The following RNF150 variants were observed in gnomAD, a reference collection of about 807,000 sequenced individuals.
The protein encoded by RNF150 is ring finger protein 150.
RNF150 carries 24 observed loss-of-function variants against 39.3 expected under a neutral mutation model. That is an observed-to-expected ratio of 0.61 (90% CI 0.44 to 0.86). The LOEUF is 0.86. Ranked by LOEUF, RNF150 falls within the 40% of genes least tolerant of loss-of-function variation. The pLI is 0.00. For synonymous variants in RNF150, 255 were observed against 227.3 expected, an observed-to-expected ratio of 1.12 and a Z score of -1.10; for missense variants, 502 against 587.8, an observed-to-expected ratio of 0.85 and a Z score of 1.51.
intron 1 of RNF150, among the ~76,000 whole-genome samples, chr4:141,033,222 A>C (rs528253737): frequency 3.3e-5 from 5 of 152,292 alleles, no homozygotes; most frequent in African/African-American, 1.2e-4. Flanking sequence ...CTTTGTTGTC[A>C]TTTCAACAAT....
At chr4:141,004,130 T>C (rs1005202716) in intron 1 of RNF150, among the ~76,000 whole-genome samples, 2 of 152,040 alleles carry the variant, frequency 1.3e-5, no homozygotes, top group Middle Eastern at 3.2e-3. Flanking sequence ...CACGGTGCCA[T>C]GCTAGGCTCT....
intron 1 of RNF150, among the ~76,000 whole-genome samples, chr4:141,022,349 T>C (rs942976962): frequency 4.6e-5 from 7 of 152,162 alleles, no homozygotes; most frequent in Admixed American, 1.3e-4. Context: ...AAAGAACATA[T>C]GGACTTTGTT....
At chr4:140,891,731 A>G (rs1729760441) in intron 6 of RNF150, among the ~76,000 whole-genome samples, 1 of 152,080 alleles carries the variant, frequency 6.6e-6, no homozygotes, top group South Asian at 2.1e-4. Flanking sequence ...TGGGCCACCG[A>G]CTGGTACCAG....
At chr4:141,208,816 C>CAA (rs1275751019) in intron 1 of RNF150, among the ~76,000 whole-genome samples, 1 of 152,056 alleles carries the variant, frequency 6.6e-6, no homozygotes, top group Non-Finnish European at 1.5e-5. Flanking sequence ...GGGTCAGAGA[C>CAA]AAAAGACTTC....
At chr4:141,022,407 A>G (rs2110790490) in intron 1 of RNF150, among the ~76,000 whole-genome samples, 1 of 152,244 alleles carries the variant, frequency 6.6e-6, no homozygotes, top group Non-Finnish European at 1.5e-5. Flanking sequence ...AAATATGCAA[A>G]AGAACCCTTG....
intron 1 of RNF150, among the ~76,000 whole-genome samples, chr4:141,038,854 C>T (rs796409329): frequency 8.5e-5 from 13 of 152,184 alleles, no homozygotes; most frequent in African/African-American, 2.9e-4. Context: ...TCAAGTGAGG[C>T]CCCCTAATGC....
At chr4:141,004,136 G>C (rs1046158911) in intron 1 of RNF150, among the ~76,000 whole-genome samples, 6 of 151,946 alleles carry the variant, frequency 3.9e-5, no homozygotes, top group African/African-American at 1.2e-4. Flanking sequence ...GCCATGCTAG[G>C]CTCTATGGCT....
rs202018874 is a variant in RNF150, at chr4:141,066,252, A to C, written c.484+66073T>G. On this transcript the variant is annotated intron_variant, in intron 1 of 6. Coordinates refer to ENST00000515673, the MANE Select transcript of RNF150 (RefSeq NM_020724.2). Reference sequence around the variant, plus strand: ...TTCAGTATATGTGCGAAAAAAAAAAAACCATTCCTCAGTAATTTTCACACT... The same window carrying C: ...TTCAGTATATGTGCGAAAAAAAAAACACCATTCCTCAGTAATTTTCACACT... 8.5e-5 allele frequency among the ~76,000 whole-genome samples: 13 copies of C among 152,214 alleles called. No individual in the cohort carries two copies. The East Asian group carries it at 2.1e-3, about 25-fold the overall frequency.
rs560674675 is a variant in RNF150, at chr4:140,956,696, C to T, written c.736-7324G>A. On this transcript the variant is annotated intron_variant, in intron 2 of 6. Coordinates refer to ENST00000515673, the MANE Select transcript of RNF150 (RefSeq NM_020724.2). ...TAACCAAAACAGCATGGTACTGGTACCAAAACAGAGATATAGATCAATGGA... is the reference window on the plus strand; with the variant it reads ...TAACCAAAACAGCATGGTACTGGTATCAAAACAGAGATATAGATCAATGGA... Among the ~76,000 whole-genome samples, 29 of 152,048 alleles carry T rather than the reference C, an allele frequency of 1.9e-4. No homozygotes were observed. The South Asian group carries it at 5.8e-3, about 31-fold the overall frequency.
At chr4:141,195,618 G>A (rs1728189539) in intron 1 of RNF150, among the ~76,000 whole-genome samples, 2 of 152,116 alleles carry the variant, frequency 1.3e-5, no homozygotes, top group Admixed American at 1.3e-4. Flanking sequence ...AAAAATCTAA[G>A]CCCACAAGAT....
Position 140,999,942 on chromosome 4 carries a change from A to AAGAAG in RNF150, c.485-32070_485-32069insCTTCT, listed in dbSNP as rs1553935621. Among the ~76,000 whole-genome samples, 8 of 34,526 alleles carry AAGAAG rather than the reference A, an allele frequency of 2.3e-4. 1 individual carries two copies. The highest frequency in any genetic ancestry group is 1.2e-3 in the Admixed American group (3 of 2,430). The allele number at this position is 34,526 out of a possible 152,430, so 22.7% of individuals were successfully genotyped here. On this transcript the variant is annotated intron_variant, in intron 1 of 6. Transcript: ENST00000515673. ...AACAGAGTGAGACTTGGTCTCAAAA[A>AAGAAG]AAGAAGAAGAAGAAGAAGAAGAAGA...
Position 140,967,664 on chromosome 4 carries a change from T to C in RNF150, c.694A>G (p.Ile232Val), listed in dbSNP as rs767444888. ...GCATTTGCATATCGAAACCTCTGGATGTAATAAAAGACGAGCCATGCGAGG... is the reference window on the plus strand; with the variant it reads ...GCATTTGCATATCGAAACCTCTGGACGTAATAAAAGACGAGCCATGCGAGG... ...ISLAWLVFYY[I>V]QRFRYANARD... Residue 232 changes from isoleucine (I) to valine (V), a missense_variant, in exon 2 of 7, where the codon ATC becomes GTC. By Grantham distance (29) the Ile-to-Val change is conservative. Coordinates refer to ENST00000515673, the MANE Select transcript of RNF150 (RefSeq NM_020724.2). 1.2e-6 allele frequency: 2 copies of C among 1,613,230 alleles called. No homozygotes were observed. Among genetic ancestry groups the C allele is most frequent in the South Asian group, 1.1e-5 (1 of 91,032 alleles).
At chr4:141,090,709 C>T (rs1738546075) in intron 1 of RNF150, among the ~76,000 whole-genome samples, 1 of 152,088 alleles carries the variant, frequency 6.6e-6, no homozygotes, top group African/African-American at 2.4e-5. Context: ...CAAGAAGACA[C>T]AACGTAACTG....
chr4:140,961,169 C>T (rs1477226733), intron 2 of RNF150, among the ~76,000 whole-genome samples: 1 of 152,102 alleles, frequency 6.6e-6, no homozygotes, highest in Non-Finnish European at 1.5e-5. Flanking sequence ...AGTTGTAGCC[C>T]TTATTCTCCA....
intron 5 of RNF150, among the ~76,000 whole-genome samples, chr4:140,911,924 G>GA (rs869248944): frequency 8.2e-6 from 1 of 121,408 alleles, no homozygotes; most frequent in Non-Finnish European, 1.7e-5. Context: ...GCCAGCTATA[G>GA]AAAAATATCC....
intron 1 of RNF150, among the ~76,000 whole-genome samples, chr4:141,022,191 A>C (rs550119867): frequency 6.6e-5 from 10 of 152,280 alleles, no homozygotes; most frequent in African/African-American, 2.2e-4. Flanking sequence ...ACCAAGTCTT[A>C]TAATCTCTTT....
intron 1 of RNF150, among the ~76,000 whole-genome samples, chr4:141,183,677 C>T (rs1727950929): frequency 6.6e-6 from 1 of 151,766 alleles, no homozygotes; most frequent in Admixed American, 6.6e-5. Context: ...CCTCCCCTTG[C>T]CCCAAACCCC....
At chr4:140,943,904 C>T (rs1732187150) in intron 4 of RNF150, among the ~76,000 whole-genome samples, 1 of 152,054 alleles carries the variant, frequency 6.6e-6, no homozygotes, top group African/African-American at 2.4e-5. Flanking sequence ...GGTGATAATG[C>T]TATAGGGATA....
chr4:141,151,070 G>T (rs1727288597), intron 1 of RNF150, among the ~76,000 whole-genome samples: 1 of 151,904 alleles, frequency 6.6e-6, no homozygotes, highest in Non-Finnish European at 1.5e-5. Context: ...TTCTCAAGCA[G>T]CTGGGACTAG....
Sources: allele counts gnomAD v4.1 joint callset (sites outside exome capture counted in the v4.1 genomes callset), GRCh38; gene constraint gnomAD v4.1.1; transcripts MANE v1.5; gene names NCBI Gene and HGNC (gene_info 2026-07-23, HGNC 2026-07-21).